The following WDR20 variants were observed in gnomAD, a reference collection of about 807,000 sequenced individuals.
The protein encoded by WDR20 is WD repeat-containing protein 20.
A neutral mutation model predicts 38.7 loss-of-function variants in WDR20; 3 were observed. That is an observed-to-expected ratio of 0.08 (90% CI 0.04 to 0.20). WDR20 has a LOEUF of 0.20. WDR20 is among the 10% of genes least tolerant of loss of function. WDR20 has a pLI of 1.00. For synonymous variants in WDR20, 298 were observed against 285.6 expected, an observed-to-expected ratio of 1.04 and a Z score of -0.44; for missense variants, 559 against 727.7, an observed-to-expected ratio of 0.77 and a Z score of 2.67.
At chr14:102,216,893 A>G, downstream of WDR20, among the ~76,000 whole-genome samples, 1 of 150,794 alleles carries the variant, frequency 6.6e-6, no homozygotes, top group South Asian at 2.1e-4. Flanking sequence ...AGATGGCGCC[A>G]CTGCACTCCA....
chr14:102,162,766 A>G lies in WDR20; in HGVS notation c.249+22594A>G, dbSNP rs190913580. 2.6e-3 allele frequency among the ~76,000 whole-genome samples: 391 copies of G among 152,148 alleles called. 7 individuals are homozygous for G. Among genetic ancestry groups the G allele is most frequent in the African/African-American group, 8.8e-3 (365 of 41,452 alleles). ...GTTGTGACTACAGGTGTGTATCACC[A>G]TGCCCAGCTAATTTTTGTGTTTTTT... On this transcript the variant is annotated intron_variant, in intron 1 of 2. Coordinates refer to ENST00000342702, the MANE Select transcript of WDR20 (RefSeq NM_144574.4).
intron 1 of WDR20, among the ~76,000 whole-genome samples, chr14:102,178,588 G>A (rs1482425915): frequency 6.6e-6 from 1 of 151,874 alleles, no homozygotes; most frequent in Admixed American, 6.6e-5. Flanking sequence ...CCCTGCACTT[G>A]AACACTGCAT....
At chr14:102,181,187 G>GT (rs200344336) in intron 1 of WDR20, among the ~76,000 whole-genome samples, 1,719 of 152,184 alleles carry the variant, frequency 0.011, 16 homozygotes, top group Non-Finnish European at 0.015. Context: ...ATGAGTTTGG[G>GT]TAAGTCTTCT....
At chr14:102,142,774 C>T (rs1288565393) in intron 1 of WDR20, among the ~76,000 whole-genome samples, 50 of 85,012 alleles carry the variant, frequency 5.9e-4, no homozygotes, top group South Asian at 8.6e-4. Context: ...GCTGTTTTGA[C>T]TTTTTTTTTT....
intron 1 of WDR20, among the ~76,000 whole-genome samples, chr14:102,142,250 A>C (rs573717493): frequency 1.5e-4 from 23 of 151,742 alleles, no homozygotes; most frequent in Non-Finnish European, 3.4e-4. Flanking sequence ...AGATGTTTCT[A>C]CTCTCTTTTA....
At chr14:102,147,613 C>T (rs1194767047) in intron 1 of WDR20, among the ~76,000 whole-genome samples, 2 of 152,174 alleles carry the variant, frequency 1.3e-5, no homozygotes, top group South Asian at 2.1e-4. Context: ...AATATAGTGA[C>T]TTAAGGGTAA....
intron 1 of WDR20, among the ~76,000 whole-genome samples, chr14:102,155,480 A>G (rs2057157142): frequency 6.6e-6 from 1 of 152,120 alleles, no homozygotes; most frequent in African/African-American, 2.4e-5. Flanking sequence ...GCAGTGTGGG[A>G]ATTTTCAAAG....
Position 102,152,855 on chromosome 14 carries a change from T to C in WDR20, c.249+12683T>C, listed in dbSNP as rs139975195. The stretch of plus-strand genomic sequence containing the variant: ...AAACTAATAAGCCATTGTCCTGGGG[T>C]TTGAATCCAGTTCTGTTCAACCCTA... On this transcript the variant is annotated intron_variant, in intron 1 of 2. Coordinates refer to ENST00000342702, the MANE Select transcript of WDR20 (RefSeq NM_144574.4). Among the ~76,000 whole-genome samples, 140 of 152,244 alleles carry C rather than the reference T, an allele frequency of 9.2e-4. 2 individuals carry two copies. In the East Asian group the frequency reaches 0.022, roughly 24 times the overall value.
At chr14:102,212,410 T>G, downstream of WDR20, 1 of 1,177,362 alleles carries the variant, frequency 8.5e-7, no homozygotes, top group Non-Finnish European at 1.2e-6. Context: ...GGGGCTGCCT[T>G]TGACTGCATG....
chr14:102,180,382 G>T (rs2063135580), intron 1 of WDR20, among the ~76,000 whole-genome samples: 3 of 152,182 alleles, frequency 2.0e-5, no homozygotes, highest in Non-Finnish European at 4.4e-5. Flanking sequence ...CAGAGTCTCT[G>T]CTCTTAACCA....
At chr14:102,150,798 C>T (rs1323186814) in intron 1 of WDR20, among the ~76,000 whole-genome samples, 4 of 152,198 alleles carry the variant, frequency 2.6e-5, no homozygotes, top group Admixed American at 6.5e-5. Context: ...AGAGTATCAT[C>T]TAACCAAGGA....
chr14:102,200,273 T>C (rs1254815880), intron 2 of WDR20, among the ~76,000 whole-genome samples: 1 of 152,230 alleles, frequency 6.6e-6, no homozygotes, highest in East Asian at 1.9e-4. Context: ...TCTGTACATA[T>C]GATGCCCTTG....
chr14:102,209,567 T>C lies in WDR20; in HGVS notation c.1397T>C (p.Leu466Pro). Residue 466 changes from leucine (L) to proline (P), a missense_variant, in exon 3 of 3, where the codon CTA becomes CCA. Physicochemically the swap from Leu to Pro is moderately conservative, Grantham distance 98. Coordinates refer to ENST00000342702, the MANE Select transcript of WDR20 (RefSeq NM_144574.4). The surrounding 1 kb of genome is among the most constrained non-coding windows in gnomAD (Gnocchi z 6.0). ...SGVSKFATLS[L>P]HDRKERHHEK... ...GTCAGCAAATTTGCAACACTTTCAC[T>C]ACATGACCGGAAGGAGAGGCACCAC... 6.2e-7 allele frequency: 1 copy of C among 1,614,126 alleles called. No homozygotes were observed. The highest frequency in any genetic ancestry group is 8.5e-7 in the Non-Finnish European group (1 of 1,180,028).
chr14:102,146,731 C>A (rs2053777208), intron 1 of WDR20, among the ~76,000 whole-genome samples: 1 of 152,128 alleles, frequency 6.6e-6, no homozygotes, highest in African/African-American at 2.4e-5. Context: ...ATTTCCCCCC[C>A]ACAGACTTGT....
chr14:102,203,489 C>T (rs1216463586), intron 2 of WDR20, among the ~76,000 whole-genome samples: 1 of 152,144 alleles, frequency 6.6e-6, no homozygotes, highest in Non-Finnish European at 1.5e-5. Flanking sequence ...AGCCGAAGCC[C>T]TTTAGCTTGG....
At chr14:102,212,987 G>T, downstream of WDR20, 1 of 1,000,234 alleles carries the variant, frequency 1.0e-6, no homozygotes, top group Non-Finnish European at 1.2e-6. Flanking sequence ...CGAAAGTCAG[G>T]TGCACGCTGC....
chr14:102,196,326 A>G (rs1427864498), intron 2 of WDR20, among the ~76,000 whole-genome samples: 2 of 152,126 alleles, frequency 1.3e-5, no homozygotes, highest in Non-Finnish European at 2.9e-5. Context: ...TTTTCCATTA[A>G]AAAAAAGTTA....
chr14:102,181,471 A>G (rs1472413809), intron 1 of WDR20, among the ~76,000 whole-genome samples: 2 of 149,208 alleles, frequency 1.3e-5, no homozygotes, highest in Non-Finnish European at 3.0e-5. Context: ...GCATCTTGAG[A>G]ACAAGTGTGA....
chr14:102,195,175 T>G, intron 2 of WDR20, 55 bp downstream of exon 2: 1 of 1,575,408 alleles, frequency 6.3e-7, no homozygotes, highest in Non-Finnish European at 8.6e-7. Context: ...TGATACATTC[T>G]TACCGAGGGT....
Sources: gnomAD v4.1 joint callset for allele counts (sites outside exome capture counted in the v4.1 genomes callset) on GRCh38, gnomAD v4.1.1 for gene constraint, Gnocchi (gnomAD v3.1) non-coding constraint, MANE v1.5 for transcripts, NCBI Gene and HGNC (gene_info 2026-07-23, HGNC 2026-07-21) for gene names.